Variants in MCM6 observed in about 807,000 individuals in gnomAD.
MCM6 encodes DNA replication licensing factor MCM6.
A neutral mutation model predicts 94.3 loss-of-function variants in MCM6; 46 were observed. That is an observed-to-expected ratio of 0.49 (90% CI 0.39 to 0.62). The LOEUF is 0.62. MCM6 is among the 20% of genes least tolerant of loss of function. MCM6 has a pLI of 0.00. For synonymous variants in MCM6, 335 were observed against 351.9 expected (o/e 0.95, Z 0.54); for missense variants, 865 against 1,017.9 (o/e 0.85, Z 2.04).
At chr2:135,867,956 G>A (rs897789968) in intron 4 of MCM6, among the ~76,000 whole-genome samples, 7 of 152,130 alleles carry the variant, frequency 4.6e-5, no homozygotes, top group Admixed American at 1.3e-4. Context: ...GAACCCAGGA[G>A]GCGGAGCTTG....
intron 16 of MCM6, 114 bp from the exon 17 acceptor site, chr2:135,841,065 C>A: frequency 1.3e-6 from 1 of 757,548 alleles, no homozygotes; most frequent in Admixed American, 2.1e-5. Flanking sequence ...CTTTCATTTC[C>A]CAACTAGAAA....
chr2:135,846,467 C>A, intron 14 of MCM6, 75 bp from the exon 15 acceptor site: 1 of 1,144,682 alleles, frequency 8.7e-7, no homozygotes, highest in Non-Finnish European at 1.3e-6. Context: ...TACAAATACA[C>A]TACTTACATT....
At chr2:135,864,572 A>G (rs904866593) in intron 7 of MCM6, among the ~76,000 whole-genome samples, 14 of 152,256 alleles carry the variant, frequency 9.2e-5, no homozygotes, top group South Asian at 2.1e-4. Flanking sequence ...CTCTGTCATA[A>G]GGCCAGGAAA....
chr2:135,846,210 A>G, intron 15 of MCM6, 27 bp downstream of exon 15: 1 of 1,611,178 alleles, frequency 6.2e-7, no homozygotes, highest in Non-Finnish European at 8.5e-7. Context: ...GTGACCGAGC[A>G]TGTAAGCAGT....
rs901916921 is a variant in MCM6 at position 135,866,441 on chromosome 2, C to T, written c.781+122G>A. ...AAAACCAATTTGTTTTTATTCTCATCACACTTCGTTCCTCAGCTTCTGATT... is the reference window on the plus strand; with the variant it reads ...AAAACCAATTTGTTTTTATTCTCATTACACTTCGTTCCTCAGCTTCTGATT... On this transcript the variant is annotated intron_variant, in intron 5 of 16. Transcript: ENST00000264156. The T allele has an allele frequency of 1.1e-5, 16 of 1,402,932 alleles. No individual in the cohort carries two copies. In the African/African-American group the frequency reaches 1.3e-4, roughly 11 times the overall value. 86.9% of individuals were successfully genotyped at this position (1,402,932 alleles called of 1,614,324 possible). A position where few individuals can be genotyped will look rare whatever the true frequency, so the allele number is the denominator to read the frequency against.
Position 135,847,482 on chromosome 2 carries a change from AAAC to A in MCM6, c.2053+568_2053+570del, listed in dbSNP as rs541413382. Among the ~76,000 whole-genome samples, 432 of 152,342 alleles carry A rather than the reference AAAC, an allele frequency of 2.8e-3. 3 individuals carry two copies. The highest frequency in any genetic ancestry group is 0.019 in the South Asian group (93 of 4,826). On this transcript the variant is annotated intron_variant, in intron 14 of 16. Coordinates refer to ENST00000264156, the MANE Select transcript of MCM6 (RefSeq NM_005915.6). ...AAAAAATGTTTTCAATTCAGAAGCAAAACAACAATACAAATAAGGGTAAAACCC... is the reference window on the plus strand; with the variant it reads ...AAAAAATGTTTTCAATTCAGAAGCAAAACAATACAAATAAGGGTAAAACCC...
chr2:135,843,609 C>T (rs1364590115), intron 16 of MCM6, among the ~76,000 whole-genome samples: 13 of 151,066 alleles, frequency 8.6e-5, no homozygotes, highest in Admixed American at 3.3e-4. Context: ...GCGTGGTGGC[C>T]GGCGCCTGTA....
In MCM6 at chr2:135,868,812, A is replaced by G; in HGVS notation, c.414T>C (p.Ser138=). 1 of 1,614,164 alleles carries G rather than the reference A, an allele frequency of 6.2e-7. No homozygotes were observed. The highest frequency in any genetic ancestry group is 1.1e-5 in the South Asian group (1 of 91,086). Residue 138 remains serine, a synonymous_variant, in exon 4 of 17, where the codon AGT becomes AGC. Transcript: ENST00000264156. The stretch of plus-strand genomic sequence containing the variant: ...CTGGGTGAGTCCGCACCACCTGCCC[A>G]CTGATGCGAGTGAGCAAACCAATTC... The part of the protein sequence containing the change: ...SSRIGLLTRI[S]GQVVRTHPVH...
At chr2:135,858,587 A>G (rs1022429324) in intron 9 of MCM6, among the ~76,000 whole-genome samples, 3 of 152,146 alleles carry the variant, frequency 2.0e-5, no homozygotes, top group African/African-American at 7.2e-5. Context: ...GAAGATAGGT[A>G]AGTGAAGATT....
intron 15 of MCM6, among the ~76,000 whole-genome samples, chr2:135,845,361 G>A (rs1558753811): frequency 6.6e-6 from 1 of 152,174 alleles, no homozygotes; most frequent in African/African-American, 2.4e-5. Context: ...TTGTATGAGG[G>A]AGAAAGAGAA....
intron 3 of MCM6, among the ~76,000 whole-genome samples, chr2:135,869,119 C>T (rs536399915): frequency 4.6e-5 from 7 of 151,958 alleles, no homozygotes; most frequent in African/African-American, 1.7e-4. Context: ...TAAAACAGAA[C>T]GGGCTGGGCG....
intron 16 of MCM6, among the ~76,000 whole-genome samples, chr2:135,843,916 G>A (rs1458390247): frequency 6.6e-6 from 1 of 151,986 alleles, no homozygotes. Flanking sequence ...TGACAGGAGT[G>A]GAGAGAAGGT....
At chr2:135,859,850 C>G (rs889699250) in intron 8 of MCM6, among the ~76,000 whole-genome samples, 3 of 152,098 alleles carry the variant, frequency 2.0e-5, no homozygotes, top group South Asian at 4.1e-4. Context: ...GTCGCCCAGG[C>G]TGGAGTACAG....
chr2:135,874,778 A>C (rs559643875), intron 1 of MCM6, among the ~76,000 whole-genome samples: 1 of 152,108 alleles, frequency 6.6e-6, no homozygotes, highest in South Asian at 2.1e-4. Context: ...AAGATCCCAA[A>C]CTCTTCTGGT....
chr2:135,870,848 G>T (rs114005839), intron 2 of MCM6, among the ~76,000 whole-genome samples: 1 of 152,148 alleles, frequency 6.6e-6, no homozygotes, highest in African/African-American at 2.4e-5. Flanking sequence ...CCTAGGCTCA[G>T]GTGATCCTCC....
intron 8 of MCM6, among the ~76,000 whole-genome samples, chr2:135,859,901 T>C (rs1679957623): frequency 6.6e-6 from 1 of 152,002 alleles, no homozygotes; most frequent in South Asian, 2.1e-4. Context: ...CCACATGGGT[T>C]CAAGCGATTC....
rs868830953 is a variant in MCM6, at chr2:135,851,499, G to C, written c.1820C>G (p.Ser607Cys). 1 of 1,613,588 alleles carries C rather than the reference G, an allele frequency of 6.2e-7. No individual in the cohort carries two copies. The highest frequency in any genetic ancestry group is 8.5e-7 in the Non-Finnish European group (1 of 1,179,814). The change falls in exon 13 of 17, where the codon TCT (serine) becomes TGT (cysteine). Residue 607 changes from serine to cysteine, a missense_variant. Around this residue, in one of 3 missense-constraint regions of MCM6, gnomAD observed 308 missense variants for 324.5 expected, o/e 0.95. Coordinates refer to ENST00000264156, the MANE Select transcript of MCM6 (RefSeq NM_005915.6). Reference protein sequence around the residue: ...QYKHLRQRDGSGVTKSSWRIT... With the variant: ...QYKHLRQRDGCGVTKSSWRIT... ...CCTCCATGAAGACTTGGTCACTCCA[G>C]AACCATCTCTCTGGCGGAGATGTTT...
At chr2:135,871,157 T>G (rs545220992) in intron 2 of MCM6, among the ~76,000 whole-genome samples, 2 of 152,274 alleles carry the variant, frequency 1.3e-5, no homozygotes, top group East Asian at 3.9e-4. Context: ...AGTATGCATG[T>G]CCTTTTGATA....
At chr2:135,870,407 C>CCT (rs758676578) in intron 2 of MCM6, 46 bp from the exon 3 acceptor site, 1 of 1,334,276 alleles carries the variant, frequency 7.5e-7, no homozygotes. Context: ...TTTACCAAGG[C>CCT]CTCCTTCCCT....
Sources: gnomAD v4.1 joint callset for allele counts (sites outside exome capture counted in the v4.1 genomes callset) on GRCh38, gnomAD v4.1.1 for gene constraint, gnomAD v4.1.1 regional missense constraint, MANE v1.5 for transcripts, NCBI Gene and HGNC (gene_info 2026-07-23, HGNC 2026-07-21) for gene names.